TNFRSF11A: variants seen among roughly 807,000 people sequenced by gnomAD.
TNFRSF11A encodes tumor necrosis factor receptor superfamily member 11A.
TNFRSF11A carries 32 observed loss-of-function variants against 55.7 expected under a neutral mutation model. The observed-to-expected ratio is 0.57, with a 90% confidence interval of 0.43 to 0.77. The LOEUF is 0.77. Among genes scored for constraint, TNFRSF11A ranks in the 30% least tolerant of loss-of-function variants. The probability of loss-of-function intolerance (pLI) is 0.00; values close to 1 mark genes in which losing one functional copy is unlikely to be tolerated. For synonymous variants in TNFRSF11A, 311 were observed against 331.0 expected, an observed-to-expected ratio of 0.94 and a Z score of 0.65; for missense variants, 753 against 809.8, an observed-to-expected ratio of 0.93 and a Z score of 0.85.
rs1426387579 is a variant in TNFRSF11A, at chr18:62,390,193, C to T, written c.*5159C>T. ...CTCTGCTGCCCACCTGGGACACCTT[C>T]CCACTCTTTGCAACTAGGTCGGAGG... On this transcript the variant is annotated 3_prime_UTR_variant, in exon 10 of 10. Transcript: ENST00000586569. 6.6e-6 allele frequency: 1 copy of T among 152,216 alleles called. No homozygotes were observed. Among genetic ancestry groups the T allele is most frequent in the East Asian group, 1.9e-4 (1 of 5,186 alleles). 9.4% of individuals were successfully genotyped at this position (152,216 alleles called of 1,614,324 possible).
chr18:62,361,773 A>G lies in TNFRSF11A; in HGVS notation c.710A>G (p.Lys237Arg), dbSNP rs770284408. The G allele has an allele frequency of 3.1e-6, 5 of 1,614,074 alleles. No homozygotes were observed. In the Admixed American group the frequency reaches 5.0e-5, roughly 16 times the overall value. Residue 237 changes from lysine to arginine, a missense_variant, in exon 7 of 10, where the codon AAA becomes AGA. By Grantham distance (26) the Lys-to-Arg change is conservative. Around this residue, in one of 3 missense-constraint regions of TNFRSF11A, gnomAD observed 567 missense variants for 596.7 expected, o/e 0.95. Coordinates refer to ENST00000586569, the MANE Select transcript of TNFRSF11A (RefSeq NM_003839.4). ...ATCATCTTTGGCGTTTGCTATAGGA[A>G]AAAAGGGAAAGCACTCACAGGTATT... ...AAIIFGVCYR[K>R]KGKALTANLW...
chr18:62,332,895 C>T (rs2046175732), intron 1 of TNFRSF11A, among the ~76,000 whole-genome samples: 1 of 152,182 alleles, frequency 6.6e-6, no homozygotes, highest in Admixed American at 6.5e-5. Flanking sequence ...GTCGGATGTC[C>T]CATTCTTCGT....
chr18:62,353,154 T>C (rs191406546), intron 3 of TNFRSF11A, among the ~76,000 whole-genome samples: 29 of 152,318 alleles, frequency 1.9e-4, no homozygotes, highest in Non-Finnish European at 3.7e-4. Flanking sequence ...TTACTCCTAG[T>C]GGATTACAGG....
At chr18:62,345,435 T>C (rs559510221) in intron 1 of TNFRSF11A, among the ~76,000 whole-genome samples, 1 of 152,246 alleles carries the variant, frequency 6.6e-6, no homozygotes, top group Non-Finnish European at 1.5e-5. Flanking sequence ...TACTTCAAAG[T>C]ATATCATGTA....
At chr18:62,358,118 G>C in intron 4 of TNFRSF11A, 130 bp from the exon 5 acceptor site, 1 of 814,250 alleles carries the variant, frequency 1.2e-6, no homozygotes. Flanking sequence ...CACAGGGGTG[G>C]GAGGTGAGGG....
chr18:62,376,721 CTG>C (rs932014192), intron 9 of TNFRSF11A, among the ~76,000 whole-genome samples: 1 of 152,194 alleles, frequency 6.6e-6, no homozygotes, highest in African/African-American at 2.4e-5. Flanking sequence ...TACAAATCCT[CTG>C]TGCTCTACTC....
chr18:62,381,678 G>A (rs1250851237), intron 9 of TNFRSF11A, among the ~76,000 whole-genome samples: 1 of 152,132 alleles, frequency 6.6e-6, no homozygotes, highest in East Asian at 1.9e-4. Context: ...TTGTGTCATG[G>A]TGTATATTAA....
chr18:62,384,040 G>A (rs1036984485), intron 9 of TNFRSF11A, among the ~76,000 whole-genome samples: 11 of 141,040 alleles, frequency 7.8e-5, no homozygotes, highest in Admixed American at 2.9e-4. Flanking sequence ...TGCTTGTTCT[G>A]TGTTGAACAC....
intron 3 of TNFRSF11A, among the ~76,000 whole-genome samples, chr18:62,350,657 G>A (rs529189400): frequency 6.6e-6 from 1 of 152,176 alleles, no homozygotes; most frequent in Non-Finnish European, 1.5e-5. Context: ...AGGTTAACAC[G>A]TGTGAAGCAG....
chr18:62,358,934 T>C (rs1220762823), intron 5 of TNFRSF11A, among the ~76,000 whole-genome samples: 2 of 152,230 alleles, frequency 1.3e-5, no homozygotes, highest in Admixed American at 6.5e-5. Flanking sequence ...TTTACAGTAA[T>C]ACATAATTTT....
chr18:62,368,615 A>T, intron 8 of TNFRSF11A, 86 bp from the exon 9 acceptor site: 1 of 1,380,436 alleles, frequency 7.2e-7, no homozygotes, highest in Non-Finnish European at 1.0e-6. Context: ...TAATCAGTGT[A>T]AACACTGTTT....
chr18:62,341,497 C>A (rs1440278151), intron 1 of TNFRSF11A, among the ~76,000 whole-genome samples: 1 of 152,192 alleles, frequency 6.6e-6, no homozygotes, highest in African/African-American at 2.4e-5. Flanking sequence ...TTTCTAGTGA[C>A]ACCCTTTTCC....
intron 9 of TNFRSF11A, among the ~76,000 whole-genome samples, chr18:62,384,210 C>T (rs1285256416): frequency 6.6e-6 from 1 of 152,164 alleles, no homozygotes; most frequent in Non-Finnish European, 1.5e-5. Flanking sequence ...GAGTCTGCCC[C>T]TAGGCTTGCT....
chr18:62,345,180 C>T (rs893955055), intron 1 of TNFRSF11A, among the ~76,000 whole-genome samples: 9 of 152,028 alleles, frequency 5.9e-5, no homozygotes, highest in African/African-American at 1.9e-4. Flanking sequence ...GCACAGGGCA[C>T]GCTTTACGGG....
In TNFRSF11A at chr18:62,358,234, T is replaced by A; in HGVS notation, c.428-14T>A. The A allele has an allele frequency of 6.2e-7, 1 of 1,603,596 alleles. No homozygotes were observed. ...TTGTTCTGTCTGGGTTGTTTTTTTT[T>A]TTTTTTCTCACAGTGCAGCTCAACA... On this transcript the variant is annotated splice_polypyrimidine_tract_variant and intron_variant, in intron 4 of 9. Transcript: ENST00000586569.
chr18:62,354,736 C>T (rs1179616682), intron 4 of TNFRSF11A, among the ~76,000 whole-genome samples: 1 of 152,172 alleles, frequency 6.6e-6, no homozygotes, highest in Non-Finnish European at 1.5e-5. Flanking sequence ...GGCTTAGGTT[C>T]TTCAAAGGGA....
intron 1 of TNFRSF11A, among the ~76,000 whole-genome samples, chr18:62,326,277 C>G (rs1169827691): frequency 1.3e-5 from 2 of 152,148 alleles, no homozygotes; most frequent in Non-Finnish European, 2.9e-5. Context: ...CCTCCGCAGC[C>G]GGGCACGGAA....
At chr18:62,382,299 C>G (rs1409871305) in intron 9 of TNFRSF11A, among the ~76,000 whole-genome samples, 2 of 151,910 alleles carry the variant, frequency 1.3e-5, no homozygotes, top group African/African-American at 2.4e-5. Flanking sequence ...TTAGTAGAAA[C>G]GGGGTTTCGC....
At chr18:62,380,805 C>A (rs7234388) in intron 9 of TNFRSF11A, among the ~76,000 whole-genome samples, 34 of 83,540 alleles carry the variant, frequency 4.1e-4, no homozygotes, top group Non-Finnish European at 7.6e-4. Context: ...AAATAATATT[C>A]TTTTTTTTTT....
Sources: gnomAD v4.1 joint callset for allele counts (sites outside exome capture counted in the v4.1 genomes callset) on GRCh38, gnomAD v4.1.1 for gene constraint, gnomAD v4.1.1 regional missense constraint, MANE v1.5 for transcripts, NCBI Gene and HGNC (gene_info 2026-07-23, HGNC 2026-07-21) for gene names.